The following COL28A1 variants were observed in gnomAD, a reference collection of about 807,000 sequenced individuals.
The protein encoded by COL28A1 is collagen alpha-1(XXVIII) chain.
Under a neutral mutation model 150.2 loss-of-function variants are expected in COL28A1, and 161 were observed. The ratio of observed to expected loss-of-function variants is 1.07; its 90% CI spans 0.94 to 1.22. The LOEUF (loss-of-function observed/expected upper bound fraction) is 1.22, where lower values mean the gene tolerates loss of function less well. Among genes scored for constraint, COL28A1 ranks in the 50% most tolerant of loss-of-function variants. The probability of loss-of-function intolerance (pLI) is 0.00; values close to 1 mark genes in which losing one functional copy is unlikely to be tolerated. For missense variants in COL28A1, 1,617 were observed against 1,388.3 expected (o/e 1.16, Z -2.62); for synonymous variants, 552 against 469.7 (o/e 1.18, Z -2.26).
At chr7:7,446,703 T>G (rs1786289217) in intron 18 of COL28A1, among the ~76,000 whole-genome samples, 1 of 152,166 alleles carries the variant, frequency 6.6e-6, no homozygotes, top group South Asian at 2.1e-4. Flanking sequence ...ATAGCACAAT[T>G]TAAGCTTCCA....
intron 18 of COL28A1, 77 bp downstream of exon 18, chr7:7,452,242 A>C (rs4720735): frequency 0.98 from 1,529,769 of 1,561,148 alleles, 749,574 homozygotes; most frequent in East Asian, 1. Flanking sequence ...AGAGTCTGTA[A>C]GGCAATTGGA....
chr7:7,483,618 T>G (rs1779468331), intron 13 of COL28A1, among the ~76,000 whole-genome samples: 1 of 152,096 alleles, frequency 6.6e-6, no homozygotes, highest in Non-Finnish European at 1.5e-5. Flanking sequence ...ATGCTTAGGA[T>G]TCACAATTAA....
chr7:7,365,861 C>T (rs1449348901), intron 33 of COL28A1, among the ~76,000 whole-genome samples: 2 of 152,080 alleles, frequency 1.3e-5, no homozygotes, highest in East Asian at 3.9e-4. Flanking sequence ...TGATTCTCCC[C>T]AAGAATCAAA....
chr7:7,496,694 T>C (rs986411990), intron 11 of COL28A1, among the ~76,000 whole-genome samples: 2 of 152,210 alleles, frequency 1.3e-5, no homozygotes, highest in African/African-American at 4.8e-5. Flanking sequence ...TAACAAATGG[T>C]TATCCAAGAC....
chr7:7,391,565 T>C (rs1283502169), intron 27 of COL28A1, among the ~76,000 whole-genome samples: 1 of 152,166 alleles, frequency 6.6e-6, no homozygotes, highest in Non-Finnish European at 1.5e-5. Flanking sequence ...CTGTGTAATA[T>C]TGACAGTGCT....
the COL28A1 span, among the ~76,000 whole-genome samples, chr7:7,346,023 C>G: frequency 6.6e-6 from 1 of 151,946 alleles, no homozygotes; most frequent in Non-Finnish European, 1.5e-5. Flanking sequence ...CTATTAAACT[C>G]CTCATTTCAT....
chr7:7,453,577 T>C, intron 16 of COL28A1, 69 bp from the exon 17 acceptor site: 1 of 800,098 alleles, frequency 1.2e-6, no homozygotes, highest in South Asian at 1.5e-5. Flanking sequence ...AAAGTGAAAC[T>C]TTAGTTCATA....
chr7:7,510,963 GA>G (rs1781099303), intron 9 of COL28A1, 127 bp downstream of exon 9: 1 of 731,104 alleles, frequency 1.4e-6, no homozygotes, highest in Non-Finnish European at 2.4e-6. Context: ...TTACAGATGT[GA>G]AAAATTGAGC....
intron 25 of COL28A1, among the ~76,000 whole-genome samples, chr7:7,421,990 T>A (rs565487428): frequency 1.3e-5 from 2 of 152,168 alleles, no homozygotes. Context: ...ATGAAAACCC[T>A]GTAGTACATA....
At chr7:7,400,450 T>C (rs1034231724) in intron 27 of COL28A1, among the ~76,000 whole-genome samples, 25 of 152,196 alleles carry the variant, frequency 1.6e-4, no homozygotes, top group Non-Finnish European at 3.1e-4. Flanking sequence ...AATGTGTCTA[T>C]AGAAGCTGGA....
At chr7:7,375,613 T>C in intron 30 of COL28A1, 116 bp from the exon 31 acceptor site, 1 of 556,216 alleles carries the variant, frequency 1.8e-6, no homozygotes, top group Non-Finnish European at 2.7e-6. Context: ...ATCCTTCCAC[T>C]GCAGAAAATA....
intron 32 of COL28A1, among the ~76,000 whole-genome samples, chr7:7,372,399 A>AAATG (rs1195395973): frequency 4.0e-5 from 1 of 24,810 alleles, no homozygotes; most frequent in Non-Finnish European, 8.6e-5. Flanking sequence ...CTCCGTCTCA[A>AAATG]AATAAATAAA....
At chr7:7,523,705 G>C (rs1036272221) in intron 4 of COL28A1, among the ~76,000 whole-genome samples, 1 of 152,124 alleles carries the variant, frequency 6.6e-6, no homozygotes, top group Non-Finnish European at 1.5e-5. Flanking sequence ...TTGTGCTAAG[G>C]CTCGTCCAAT....
At chr7:7,515,523 G>A (rs1192628668) in intron 8 of COL28A1, among the ~76,000 whole-genome samples, 1 of 152,158 alleles carries the variant, frequency 6.6e-6, no homozygotes, top group East Asian at 1.9e-4. Context: ...GAAACTTTTA[G>A]CCTGCATACC....
intron 23 of COL28A1, among the ~76,000 whole-genome samples, chr7:7,434,136 G>C (rs762480556): frequency 1.3e-5 from 2 of 152,138 alleles, no homozygotes; most frequent in Non-Finnish European, 2.9e-5. Context: ...AAATCTAAAA[G>C]GCTGTTTTTA....
At chr7:7,405,458 C>T (rs933401831) in intron 27 of COL28A1, among the ~76,000 whole-genome samples, 2 of 152,122 alleles carry the variant, frequency 1.3e-5, no homozygotes, top group Non-Finnish European at 2.9e-5. Context: ...CCAACAGAAG[C>T]CAGTTGGGGA....
intron 27 of COL28A1, among the ~76,000 whole-genome samples, chr7:7,406,810 C>T (rs1396858603): frequency 3.3e-5 from 5 of 152,020 alleles, no homozygotes. Context: ...AAGATAAAGT[C>T]AACAAGGTGG....
intron 27 of COL28A1, among the ~76,000 whole-genome samples, chr7:7,403,944 T>G (rs1346715267): frequency 1.3e-5 from 2 of 152,176 alleles, no homozygotes; most frequent in Non-Finnish European, 2.9e-5. Context: ...GTTAAATGTA[T>G]GTGAACTAGA....
the COL28A1 span, among the ~76,000 whole-genome samples, chr7:7,344,173 T>C: frequency 4.6e-5 from 7 of 152,148 alleles, no homozygotes; most frequent in Admixed American, 3.3e-4. Context: ...ATCTATAAGT[T>C]TGAATGTATG....
Sources: gnomAD v4.1 joint callset for allele counts (sites outside exome capture counted in the v4.1 genomes callset) on GRCh38, gnomAD v4.1.1 for gene constraint, MANE v1.5 for transcripts, NCBI Gene and HGNC (gene_info 2026-07-23, HGNC 2026-07-21) for gene names.